Variants in PRELP observed in about 807,000 individuals in gnomAD.
PRELP encodes the protein prolargin.
PRELP carries 16 observed loss-of-function variants against 22.8 expected under a neutral mutation model. The ratio of observed to expected loss-of-function variants is 0.70; its 90% CI spans 0.47 to 1.06. The LOEUF is 1.06. Among genes scored for constraint, PRELP ranks in the 50% least tolerant of loss-of-function variants. The pLI, the probability that PRELP is intolerant of heterozygous loss-of-function variation, is 0.00. For synonymous variants in PRELP, 233 were observed against 211.4 expected (o/e 1.10, Z -0.89); for missense variants, 434 against 485.2 (o/e 0.89, Z 0.99).
At chr1:203,477,374 T>G (rs996675718) in intron 1 of PRELP, among the ~76,000 whole-genome samples, 5 of 152,134 alleles carry the variant, frequency 3.3e-5, no homozygotes, top group African/African-American at 1.2e-4. Context: ...GGCCACCTCT[T>G]TTTTGGGGAG....
rs553792459 is a variant in PRELP at position 203,490,202 on chromosome 1, T to C, written c.*3321T>C. ...CTGGTCTGGAACTCCTGGCCTCAAG[T>C]GATCCTCCCACCTTGGCCTCCCCAG... On this transcript the variant is annotated 3_prime_UTR_variant, in exon 3 of 3. Coordinates refer to ENST00000343110, the MANE Select transcript of PRELP (RefSeq NM_002725.4). The C allele has an allele frequency of 6.0e-5, 9 of 149,780 alleles. No homozygotes were observed. Among genetic ancestry groups the C allele is most frequent in the Non-Finnish European group, 1.2e-4 (8 of 67,602 alleles). The allele number at this position is 149,780 out of a possible 1,614,324, so 9.3% of individuals were successfully genotyped here.
chr1:203,485,955 TC>T (rs1344367742), intron 2 of PRELP, among the ~76,000 whole-genome samples: 1 of 152,166 alleles, frequency 6.6e-6, no homozygotes, highest in African/African-American at 2.4e-5. Flanking sequence ...TCTTTCCTCT[TC>T]CTGTCATCCT....
chr1:203,481,661 C>T (rs750260564), intron 1 of PRELP, among the ~76,000 whole-genome samples: 2 of 152,190 alleles, frequency 1.3e-5, no homozygotes, highest in Non-Finnish European at 2.9e-5. Context: ...CTTCCGCCTT[C>T]CTTCTTTCCT....
Position 203,483,998 on chromosome 1 carries a change from C to T in PRELP, c.814C>T (p.Arg272Trp), listed in dbSNP as rs554590706. 23 of 1,614,220 alleles carry T rather than the reference C, an allele frequency of 1.4e-5. No individual in the cohort carries two copies. In the Admixed American group the frequency reaches 2.8e-4, roughly 20 times the overall value. The part of the protein sequence containing the change: ...FKSFPNLAFI[R>W]LNYNKLTDRG... ...GAGCTTTCCCAATCTTGCCTTCATT[C>T]GGCTTAACTACAACAAGCTGACAGA... Residue 272 changes from arginine to tryptophan, a missense_variant, in exon 2 of 3, where the codon CGG (arginine) becomes TGG (tryptophan). By Grantham distance (101) the Arg-to-Trp change is moderately radical (BLOSUM62 -3). Coordinates refer to ENST00000343110, the MANE Select transcript of PRELP (RefSeq NM_002725.4). The surrounding 1 kb of genome is among the most constrained non-coding windows in gnomAD (Gnocchi z 4.4).
chr1:203,485,819 G>A lies in PRELP; in HGVS notation c.974-887G>A, dbSNP rs569115587. Among the ~76,000 whole-genome samples, 4 of 152,322 alleles carry A rather than the reference G, an allele frequency of 2.6e-5. No individual in the cohort carries two copies. In the South Asian group the frequency reaches 8.3e-4, roughly 32 times the overall value. Reference sequence around the variant, plus strand: ...GGAGAATAAAACAGTTCATTTAAATGCTGGCATGCCTGGTGCCACAGGCAT... The same window carrying A: ...GGAGAATAAAACAGTTCATTTAAATACTGGCATGCCTGGTGCCACAGGCAT... On this transcript the variant is annotated intron_variant, in intron 2 of 2. Transcript: ENST00000343110.
In PRELP at chr1:203,489,918, CT is replaced by C. The variant is rs555420940; in HGVS notation, c.*3038del. ...GTTGCAGTGAGCCGAGATCGCACCA[CT>C]GCACTCCAGCCTAGGAGACAAAACG... is the stretch of plus-strand genomic sequence containing the variant. On this transcript the variant is annotated 3_prime_UTR_variant, in exon 3 of 3. Coordinates refer to ENST00000343110, the MANE Select transcript of PRELP (RefSeq NM_002725.4). The C allele has an allele frequency of 7.2e-5, 11 of 152,096 alleles. No homozygotes were observed. Among genetic ancestry groups the C allele is most frequent in the Non-Finnish European group, 1.2e-4 (8 of 68,026 alleles). 9.4% of individuals were successfully genotyped at this position (152,096 alleles called of 1,614,324 possible). A position where few individuals can be genotyped will look rare whatever the true frequency, so the allele number is the denominator to read the frequency against.
rs551197503 is a variant in PRELP at position 203,477,569 on chromosome 1, T to G, written c.-17+1631T>G. Among the ~76,000 whole-genome samples, 4 of 152,244 alleles carry G rather than the reference T, an allele frequency of 2.6e-5. No homozygotes were observed. In the South Asian group the frequency reaches 8.3e-4, roughly 32 times the overall value. On this transcript the variant is annotated intron_variant, in intron 1 of 2. Coordinates refer to ENST00000343110, the MANE Select transcript of PRELP (RefSeq NM_002725.4). ...AGGAGCATGTGCTGGGCCCTTCCCCTGACCCTTATAGGTCCCTGCTCCTCC... is the reference window on the plus strand; with the variant it reads ...AGGAGCATGTGCTGGGCCCTTCCCCGGACCCTTATAGGTCCCTGCTCCTCC...
At chr1:203,476,476 T>G (rs984598576) in intron 1 of PRELP, among the ~76,000 whole-genome samples, 1 of 152,116 alleles carries the variant, frequency 6.6e-6, no homozygotes, top group African/African-American at 2.4e-5. Flanking sequence ...CATGCACACA[T>G]GTTCCCTGCA....
rs2233725 is a variant in PRELP, at chr1:203,483,592, C to A, written c.408C>A (p.Asn136Lys). 2.5e-6 allele frequency: 4 copies of A among 1,614,132 alleles called. No individual in the cohort carries two copies. The highest frequency in any genetic ancestry group is 3.4e-6 in the Non-Finnish European group (4 of 1,180,062). ...TGCGATGGATTAACCTGGACAACAA[C>A]CGAATCCGCAAGATAGACCAGAGGG... ...TGLRWINLDN[N>K]RIRKIDQRVL... Residue 136 changes from asparagine (N) to lysine (K), a missense_variant, in exon 2 of 3, where the codon AAC (asparagine) becomes AAA (lysine). Coordinates refer to ENST00000343110, the MANE Select transcript of PRELP (RefSeq NM_002725.4). The surrounding 1 kb of genome is among the most constrained non-coding windows in gnomAD (Gnocchi z 4.4).
At chr1:203,478,769 C>A (rs563391699) in intron 1 of PRELP, among the ~76,000 whole-genome samples, 2 of 152,204 alleles carry the variant, frequency 1.3e-5, no homozygotes, top group African/African-American at 4.8e-5. Context: ...TATCGTTTCA[C>A]CTTCCTAGAA....
At chr1:203,486,099 G>A (rs558795854) in intron 2 of PRELP, among the ~76,000 whole-genome samples, 6 of 152,090 alleles carry the variant, frequency 3.9e-5, no homozygotes, top group African/African-American at 9.7e-5. Context: ...CAGTGTAGCC[G>A]GATTATCTTT....
At chr1:203,481,021 C>CGCCCG (rs386369363) in intron 1 of PRELP, among the ~76,000 whole-genome samples, 1 of 152,110 alleles carries the variant, frequency 6.6e-6, no homozygotes, top group African/African-American at 2.4e-5. Flanking sequence ...AACCCCGCCC[C>CGCCCG]GCCCAGCACA....
rs776213785 is a variant in PRELP at position 203,483,899 on chromosome 1, A to G, written c.715A>G (p.Arg239Gly). Residue 239 changes from arginine to glycine, a missense_variant, in exon 2 of 3, where the codon AGG becomes GGG. By Grantham distance (125) the Arg-to-Gly change is moderately radical. Transcript: ENST00000343110. This position sits in a 1 kb window ranked among gnomAD's most constrained non-coding sequence, Gnocchi z 4.4. ...AHNILRKMPP[R>G]VPTAIHQLYL... is the part of the protein sequence containing the mutation. Reference sequence around the variant, plus strand: ...CAACATCCTGAGAAAGATGCCGCCCAGGGTCCCCACCGCCATTCACCAGCT... The same window carrying G: ...CAACATCCTGAGAAAGATGCCGCCCGGGGTCCCCACCGCCATTCACCAGCT... The G allele has an allele frequency of 5.0e-6, 8 of 1,614,138 alleles. No homozygotes were observed. In the African/African-American group the frequency reaches 6.7e-5, roughly 13 times the overall value.
chr1:203,482,149 A>G (rs373354614), intron 1 of PRELP, among the ~76,000 whole-genome samples: 1 of 152,158 alleles, frequency 6.6e-6, no homozygotes, highest in African/African-American at 2.4e-5. Flanking sequence ...CATACATCCT[A>G]ACATCCCTCT....
chr1:203,486,840 C>T lies in PRELP; in HGVS notation c.1108C>T (p.Leu370Phe), dbSNP rs757951962. 10 of 1,614,072 alleles carry T rather than the reference C, an allele frequency of 6.2e-6. No homozygotes were observed. Among genetic ancestry groups the T allele is most frequent in the East Asian group, 2.2e-5 (1 of 44,894 alleles). Residue 370 changes from leucine (L) to phenylalanine (F), a missense_variant, in exon 3 of 3, where the codon CTC (leucine) becomes TTC (phenylalanine). Coordinates refer to ENST00000343110, the MANE Select transcript of PRELP (RefSeq NM_002725.4). ...CTTGAAGCCGCCCATCCCGCTGGACCTCATGATGTGCTTCCGCCTCCTGCA... is the reference window on the plus strand; with the variant it reads ...CTTGAAGCCGCCCATCCCGCTGGACTTCATGATGTGCTTCCGCCTCCTGCA... Reference protein sequence around the residue: ...NYLKPPIPLDLMMCFRLLQSV... With the variant: ...NYLKPPIPLDFMMCFRLLQSV...
intron 1 of PRELP, among the ~76,000 whole-genome samples, chr1:203,481,214 C>T (rs1660994771): frequency 1.3e-5 from 2 of 151,472 alleles, no homozygotes; most frequent in South Asian, 4.2e-4. Flanking sequence ...CATTTCTAGG[C>T]TTCTGGGTGA....
intron 1 of PRELP, among the ~76,000 whole-genome samples, chr1:203,478,960 T>C (rs1660954710): frequency 1.3e-5 from 2 of 152,066 alleles, no homozygotes; most frequent in African/African-American, 2.4e-5. Context: ...CAGGAAGAGA[T>C]ACAGAGAGCA....
intron 1 of PRELP, among the ~76,000 whole-genome samples, chr1:203,480,996 G>C (rs534586075): frequency 2.1e-5 from 3 of 144,424 alleles, no homozygotes; most frequent in African/African-American, 8.1e-5. Flanking sequence ...GGCTGCCCTG[G>C]CACTGAGCCA....
Position 203,483,802 on chromosome 1 carries a change from G to A in PRELP, c.618G>A (p.Arg206=). ...TGCTCCTGGATCTCCAGCACAACAG[G>A]CTGAGCGACGGCGTCTTCAAGCCCG... ...NLLLLDLQHN[R]LSDGVFKPDT... The change falls in exon 2 of 3, where the codon AGG becomes AGA. Residue 206 remains arginine, a synonymous_variant. Transcript: ENST00000343110. The surrounding 1 kb of genome is among the most constrained non-coding windows in gnomAD (Gnocchi z 4.4). 1 of 1,614,160 alleles carries A rather than the reference G, an allele frequency of 6.2e-7. No individual in the cohort carries two copies. Among genetic ancestry groups the A allele is most frequent in the South Asian group, 1.1e-5 (1 of 91,080 alleles).
Sources: allele counts gnomAD v4.1 joint callset (sites outside exome capture counted in the v4.1 genomes callset), GRCh38; gene constraint gnomAD v4.1.1; non-coding constraint Gnocchi (gnomAD v3.1); transcripts MANE v1.5; gene names NCBI Gene and HGNC (gene_info 2026-07-23, HGNC 2026-07-21).